Variants in KNTC1 observed in about 807,000 individuals in gnomAD.
KNTC1 encodes kinetochore associated 1.
KNTC1 carries 253 observed loss-of-function variants against 314.4 expected under a neutral mutation model. The ratio of observed to expected loss-of-function variants is 0.80; its 90% CI spans 0.73 to 0.89. KNTC1 has a LOEUF of 0.89. KNTC1 is among the 40% of genes least tolerant of loss of function. The pLI is 0.00. For synonymous variants in KNTC1, 901 were observed against 901.4 expected, an observed-to-expected ratio of 1.00 and a Z score of 0.01; for missense variants, 2,475 against 2,572.9, an observed-to-expected ratio of 0.96 and a Z score of 0.82.
intron 18 of KNTC1, among the ~76,000 whole-genome samples, chr12:122,559,837 A>G (rs1159926549): frequency 6.6e-6 from 1 of 152,204 alleles, no homozygotes; most frequent in Non-Finnish European, 1.5e-5. Flanking sequence ...GGCCTCCCAA[A>G]GTGCCGCAAT....
intron 20 of KNTC1, among the ~76,000 whole-genome samples, chr12:122,563,105 A>G (rs1390303345): frequency 1.3e-5 from 2 of 151,914 alleles, no homozygotes; most frequent in Non-Finnish European, 2.9e-5. Flanking sequence ...TTGTGTTTCT[A>G]TGAGGGGTGT....
intron 4 of KNTC1, among the ~76,000 whole-genome samples, chr12:122,538,944 G>A (rs1027509633): frequency 6.6e-6 from 1 of 152,202 alleles, no homozygotes; most frequent in Non-Finnish European, 1.5e-5. Flanking sequence ...TTAAAATTAG[G>A]AAATACTTGG....
chr12:122,562,086 C>T, intron 19 of KNTC1, 112 bp downstream of exon 19: 1 of 1,010,456 alleles, frequency 9.9e-7, no homozygotes, highest in Non-Finnish European at 1.5e-6. Flanking sequence ...CAATACCTTA[C>T]TTTTCTTATC....
intron 43 of KNTC1, among the ~76,000 whole-genome samples, chr12:122,596,533 A>T (rs1310356883): frequency 3.5e-5 from 5 of 142,654 alleles, no homozygotes; most frequent in Non-Finnish European, 6.2e-5. Context: ...TTTTATCTTT[A>T]AAAAAAAAAA....
rs539520496 is a variant in KNTC1, at chr12:122,595,420, A to G, written c.4355+1035A>G. Among the ~76,000 whole-genome samples, 181 of 152,396 alleles carry G rather than the reference A, an allele frequency of 1.2e-3. 1 individual carries two copies. Among genetic ancestry groups the G allele is most frequent in the Non-Finnish European group, 1.9e-3 (126 of 68,046 alleles). On this transcript the variant is annotated intron_variant, in intron 43 of 63. Coordinates refer to ENST00000333479, the MANE Select transcript of KNTC1 (RefSeq NM_014708.6). ...TATGTGACCTGCTCAAGGTCAAATTATTAATGACTGCTTCTAAAATATTAT... is the reference window on the plus strand; with the variant it reads ...TATGTGACCTGCTCAAGGTCAAATTGTTAATGACTGCTTCTAAAATATTAT...
chr12:122,596,542 A>C (rs1357603569), intron 43 of KNTC1, among the ~76,000 whole-genome samples: 2 of 151,936 alleles, frequency 1.3e-5, no homozygotes, highest in Non-Finnish European at 2.9e-5. Flanking sequence ...TAAAAAAAAA[A>C]AACAAAACAG....
intron 2 of KNTC1, among the ~76,000 whole-genome samples, 178 bp from the exon 3 acceptor site, chr12:122,534,486 G>A (rs1269773681): frequency 1.3e-5 from 2 of 152,112 alleles, no homozygotes; most frequent in African/African-American, 4.8e-5. Context: ...GATCCTGGAT[G>A]GATTCAAGAT....
chr12:122,570,992 A>T (rs1964645128), intron 23 of KNTC1, 33 bp from the exon 24 acceptor site: 10 of 1,603,534 alleles, frequency 6.2e-6, no homozygotes, highest in Non-Finnish European at 8.5e-6. Flanking sequence ...AGCATAAAAC[A>T]TTGTTTTGAA....
intron 52 of KNTC1, 140 bp downstream of exon 52, chr12:122,609,570 C>T: frequency 1.7e-6 from 1 of 585,986 alleles, no homozygotes. Flanking sequence ...AATCAGTTCA[C>T]TAATACGTGG....
chr12:122,542,242 T>C (rs1475840626), intron 6 of KNTC1, 115 bp downstream of exon 6: 1 of 683,560 alleles, frequency 1.5e-6, no homozygotes, highest in East Asian at 3.4e-5. Flanking sequence ...TACTTGTATT[T>C]AGTTATAATT....
rs201683456 is a variant in KNTC1 at position 122,557,482 on chromosome 12, C to T, written c.1371C>T (p.Asp457=). 87 of 1,613,654 alleles carry T rather than the reference C, an allele frequency of 5.4e-5. No homozygotes were observed. The highest frequency in any genetic ancestry group is 6.7e-5 in the Non-Finnish European group (79 of 1,179,716). The change falls in exon 17 of 64, where the codon GAC becomes GAT. Residue 457 remains aspartate (D), a synonymous_variant. Coordinates refer to ENST00000333479, the MANE Select transcript of KNTC1 (RefSeq NM_014708.6). ...EQTEWQQLVD[D]AKENLHKIQD... is the part of the protein sequence containing the mutation. ...CCGAATGGCAACAACTTGTAGACGACGCTAAGGAAAATCTACATAAGATCC... is the reference window on the plus strand; with the variant it reads ...CCGAATGGCAACAACTTGTAGACGATGCTAAGGAAAATCTACATAAGATCC...
At position 122,613,150 on chromosome 12, in the gene KNTC1, T is replaced by C; in HGVS notation, c.5661T>C (p.Thr1887=). Reference sequence around the variant, plus strand: ...ATCAGTTAACTTTTGCCCATAGAACTCGAGCTCTTCAGTGTCTCTTCTATT... The same window carrying C: ...ATCAGTTAACTTTTGCCCATAGAACCCGAGCTCTTCAGTGTCTCTTCTATT... The part of the protein sequence containing the change: ...GMHQLTFAHR[T]RALQCLFYLA... Residue 1887 remains threonine (T), a synonymous_variant, in exon 54 of 64, where the codon ACT becomes ACC. Coordinates refer to ENST00000333479, the MANE Select transcript of KNTC1 (RefSeq NM_014708.6). 1 of 1,613,676 alleles carries C rather than the reference T, an allele frequency of 6.2e-7. No homozygotes were observed. The highest frequency in any genetic ancestry group is 2.2e-5 in the East Asian group (1 of 44,872).
In KNTC1 at chr12:122,603,358, G is replaced by A. The variant is rs919633953; in HGVS notation, c.5101+115G>A. The A allele has an allele frequency of 1.5e-5, 12 of 798,832 alleles. No individual in the cohort carries two copies. The African/African-American group carries it at 2.1e-4, about 14-fold the overall frequency. 49.5% of individuals were successfully genotyped at this position (798,832 alleles called of 1,614,324 possible). ...AATGTATTTGCTTGCTCTCTTAACT[G>A]TGGTGAATGCTGAAACGCTCAAGGG... On this transcript the variant is annotated intron_variant, in intron 48 of 63. Coordinates refer to ENST00000333479, the MANE Select transcript of KNTC1 (RefSeq NM_014708.6).
intron 37 of KNTC1, 73 bp downstream of exon 37, chr12:122,585,847 C>T: frequency 7.0e-7 from 1 of 1,427,392 alleles, no homozygotes; most frequent in Non-Finnish European, 9.9e-7. Context: ...AGGTTTGGAG[C>T]TAGAACTACA....
At chr12:122,543,687 T>G in intron 7 of KNTC1, 53 bp downstream of exon 7, 2 of 1,059,158 alleles carry the variant, frequency 1.9e-6, no homozygotes, top group South Asian at 3.0e-5. Flanking sequence ...TTAATATTAA[T>G]GTAGTAGAAT....
rs1329178865 is a variant in KNTC1, at chr12:122,571,087, C to T, written c.1980C>T (p.Asp660=). The change falls in exon 24 of 64, where the codon GAC becomes GAT. Residue 660 remains aspartate (D), a synonymous_variant. Transcript: ENST00000333479. ...TATTTTTTACAGCAGAAAAAACAGA[C>T]GAGTTGGGATTGGCATCTTCCTGGC... ...AEIFFTAEKT[D]ELGLASSWHW... 1.4e-5 allele frequency: 22 copies of T among 1,613,298 alleles called. No individual in the cohort carries two copies. Among genetic ancestry groups the T allele is most frequent in the African/African-American group, 2.7e-5 (2 of 74,858 alleles).
At position 122,602,633 on chromosome 12, in the gene KNTC1, A is replaced by G. The variant is rs1311120129; in HGVS notation, c.4718A>G (p.Tyr1573Cys). The G allele has an allele frequency of 4.3e-6, 7 of 1,611,836 alleles. No individual in the cohort carries two copies. The South Asian group carries it at 6.6e-5, about 15-fold the overall frequency. ...ATTTCTCCTCCCGTGGATCTAGAATATCAGTATATGTTGGAACATGTCATA... is the reference window on the plus strand; with the variant it reads ...ATTTCTCCTCCCGTGGATCTAGAATGTCAGTATATGTTGGAACATGTCATA... Reference protein sequence around the residue: ...RRISPPVDLEYQYMLEHVITL... With the variant: ...RRISPPVDLECQYMLEHVITL... The change falls in exon 46 of 64, where the codon TAT (tyrosine) becomes TGT (cysteine). Residue 1573 changes from tyrosine to cysteine, a missense_variant. Transcript: ENST00000333479.
Position 122,620,526 on chromosome 12 carries a change from A to G in KNTC1, c.6197A>G (p.Tyr2066Cys), listed in dbSNP as rs1396063247. The change falls in exon 60 of 64, where the codon TAT (tyrosine) becomes TGT (cysteine). Residue 2066 changes from tyrosine (Y) to cysteine (C), a missense_variant. Tyr to Cys is a radical substitution (Grantham distance 194). Transcript: ENST00000333479. ...GACCTGATCGGAGTCGCCAGGCAGT[A>G]TATCCAGTTAGAACTTCCGGCTTTT... is the stretch of plus-strand genomic sequence containing the variant. ...DLDLIGVARQYIQLELPAFAL... is the reference protein window; with the variant it reads ...DLDLIGVARQCIQLELPAFAL... The G allele has an allele frequency of 6.2e-7, 1 of 1,613,502 alleles. No homozygotes were observed. The highest frequency in any genetic ancestry group is 8.5e-7 in the Non-Finnish European group (1 of 1,179,662).
Position 122,573,026 on chromosome 12 carries a change from C to T in KNTC1, c.2109C>T (p.Asn703=). 1 of 1,611,788 alleles carries T rather than the reference C, an allele frequency of 6.2e-7. No individual in the cohort carries two copies. Among genetic ancestry groups the T allele is most frequent in the Non-Finnish European group, 8.5e-7 (1 of 1,178,752 alleles). Residue 703 remains asparagine, a synonymous_variant, in exon 25 of 64, where the codon AAC becomes AAT. Transcript: ENST00000333479. ...TGATCACGTTGCATAGGAAGTACAA[C>T]TGCAAATTAGCCCTCTCTGATTTTG... ...RELITLHRKY[N]CKLALSDFEK...
Sources: gnomAD v4.1 joint callset for allele counts (sites outside exome capture counted in the v4.1 genomes callset) on GRCh38, gnomAD v4.1.1 for gene constraint, MANE v1.5 for transcripts, NCBI Gene and HGNC (gene_info 2026-07-23, HGNC 2026-07-21) for gene names.